Variants in SIK3 observed in about 807,000 individuals in gnomAD.
The protein encoded by SIK3 is SIK family kinase 3.
Under a neutral mutation model 144.2 loss-of-function variants are expected in SIK3, and 28 were observed. That is an observed-to-expected ratio of 0.19 (90% CI 0.14 to 0.27). SIK3 has a LOEUF of 0.27. Among genes scored for constraint, SIK3 ranks in the 10% least tolerant of loss-of-function variants. SIK3 has a pLI of 1.00. For synonymous variants in SIK3, 686 were observed against 676.3 expected (o/e 1.01, Z -0.22); for missense variants, 1,319 against 1,776.0 (o/e 0.74, Z 4.62).
At chr11:116,904,629 G>C (rs566944235) in intron 4 of SIK3, 4 of 152,090 alleles carry the variant, frequency 2.6e-5, no homozygotes, top group African/African-American at 9.6e-5. Context: ...CAGCATTATT[G>C]AGATAAGGAA....
chr11:117,067,202 C>T (rs1954062970), intron 1 of SIK3, among the ~76,000 whole-genome samples: 1 of 152,112 alleles, frequency 6.6e-6, no homozygotes, highest in Non-Finnish European at 1.5e-5. Context: ...GAAATGAAAA[C>T]ATACATCTAC....
chr11:116,973,094 A>G (rs758766091), intron 1 of SIK3, among the ~76,000 whole-genome samples: 3 of 152,194 alleles, frequency 2.0e-5, no homozygotes, highest in Non-Finnish European at 4.4e-5. Flanking sequence ...TTAAGCCTCC[A>G]GGTGACAATG....
intron 1 of SIK3, among the ~76,000 whole-genome samples, chr11:116,992,122 G>C (rs771996668): frequency 6.6e-6 from 1 of 151,992 alleles, no homozygotes; most frequent in Admixed American, 6.6e-5. Flanking sequence ...TCAGGAGTTC[G>C]AGACCAGCTT....
chr11:116,849,127 T>C lies in SIK3; in HGVS notation c.3812A>G (p.Asp1271Gly), dbSNP rs1942225106. 2 of 1,592,684 alleles carry C rather than the reference T, an allele frequency of 1.3e-6. No homozygotes were observed. Among genetic ancestry groups the C allele is most frequent in the East Asian group, 2.2e-5 (1 of 44,514 alleles). Residue 1271 changes from aspartate (D) to glycine (G), a missense_variant, in exon 22 of 25, where the codon GAT (aspartate) becomes GGT (glycine). Coordinates refer to ENST00000445177, the MANE Select transcript of SIK3 (RefSeq NM_001366686.3). This position sits in a 1 kb window ranked among gnomAD's most constrained non-coding sequence, Gnocchi z 4.2. ...QRHHTIQNSD[D>G]AYVQLDNLPG... ...CAGGTGGGACCAACATACATAAGCA[T>C]CGTCGCTGTTCTGGATCGTGTGGTG...
At chr11:117,082,749 A>C (rs1954841379) in intron 1 of SIK3, among the ~76,000 whole-genome samples, 1 of 152,194 alleles carries the variant, frequency 6.6e-6, no homozygotes, top group African/African-American at 2.4e-5. Flanking sequence ...AATTGGGTGA[A>C]CTGTATGGTC....
chr11:116,911,432 G>A (rs143483784), intron 4 of SIK3, among the ~76,000 whole-genome samples: 8,992 of 152,062 alleles, frequency 0.059, 878 homozygotes, highest in African/African-American at 0.21. Flanking sequence ...GCTTGAACCC[G>A]GGAGGCGGAG....
intron 1 of SIK3, among the ~76,000 whole-genome samples, chr11:117,044,260 C>A (rs1293346088): frequency 1.3e-5 from 2 of 152,040 alleles, no homozygotes; most frequent in Admixed American, 6.6e-5. Context: ...TTCTGGGGGA[C>A]AGGTGATAAA....
intron 7 of SIK3, among the ~76,000 whole-genome samples, 192 bp downstream of exon 7, chr11:116,876,732 C>A (rs1944278998): frequency 2.0e-5 from 3 of 152,254 alleles, no homozygotes; most frequent in Admixed American, 2.0e-4. Flanking sequence ...TGGTAGGGAA[C>A]CATGATCACT....
At chr11:117,021,916 CCT>C (rs1359147458) in intron 1 of SIK3, among the ~76,000 whole-genome samples, 2 of 98,588 alleles carry the variant, frequency 2.0e-5, no homozygotes, top group South Asian at 4.0e-4. Context: ...GCACAGTGAG[CCT>C]CTGTCTCTAC....
intron 23 of SIK3, 83 bp downstream of exon 23, chr11:116,847,393 A>G (rs1942058556): frequency 6.3e-7 from 1 of 1,580,732 alleles, no homozygotes; most frequent in Non-Finnish European, 8.7e-7. Context: ...AGCTCTTCCT[A>G]CGAAGAGAGG....
chr11:116,894,245 G>A (rs1945279264), intron 6 of SIK3, among the ~76,000 whole-genome samples: 1 of 152,048 alleles, frequency 6.6e-6, no homozygotes, highest in Non-Finnish European at 1.5e-5. Flanking sequence ...TTTAATTCAT[G>A]GACCTCTTCT....
chr11:116,908,066 A>C (rs1444337767), intron 4 of SIK3, among the ~76,000 whole-genome samples: 1 of 152,258 alleles, frequency 6.6e-6, no homozygotes, highest in Non-Finnish European at 1.5e-5. Flanking sequence ...AAAAAGTGCT[A>C]ATCATAAAGG....
intron 1 of SIK3, among the ~76,000 whole-genome samples, chr11:116,977,152 T>C (rs967228669): frequency 3.9e-5 from 6 of 152,016 alleles, no homozygotes; most frequent in Admixed American, 2.0e-4. Context: ...ATGCAAAGGC[T>C]TCATTAGAAT....
At chr11:117,094,473 T>A (rs1368548795) in intron 1 of SIK3, among the ~76,000 whole-genome samples, 5 of 151,922 alleles carry the variant, frequency 3.3e-5, no homozygotes, top group Admixed American at 3.3e-4. Flanking sequence ...CCTGGTGTGG[T>A]GGTATAAGCC....
intron 1 of SIK3, among the ~76,000 whole-genome samples, chr11:117,036,683 T>C (rs1952520242): frequency 6.6e-6 from 1 of 152,236 alleles, no homozygotes; most frequent in South Asian, 2.1e-4. Flanking sequence ...CCAGAACTGC[T>C]ACATGTCACC....
intron 1 of SIK3, among the ~76,000 whole-genome samples, chr11:116,958,705 G>T (rs1260173650): frequency 1.3e-5 from 2 of 152,186 alleles, no homozygotes; most frequent in African/African-American, 4.8e-5. Context: ...AGGCAGAGAA[G>T]AAGGTAGAGA....
At chr11:117,078,769 T>G (rs1443933526) in intron 1 of SIK3, among the ~76,000 whole-genome samples, 1 of 152,084 alleles carries the variant, frequency 6.6e-6, no homozygotes, top group Non-Finnish European at 1.5e-5. Context: ...ACCCGAAATC[T>G]GCAAAACACT....
intron 1 of SIK3, among the ~76,000 whole-genome samples, chr11:117,094,695 C>T (rs1955392418): frequency 6.6e-6 from 1 of 151,946 alleles, no homozygotes; most frequent in African/African-American, 2.4e-5. Flanking sequence ...TAATTAGGCA[C>T]AGGCAACAGA....
intron 3 of SIK3, among the ~76,000 whole-genome samples, chr11:116,940,952 TG>T (rs923018012): frequency 5.3e-5 from 8 of 152,154 alleles, no homozygotes; most frequent in Admixed American, 2.6e-4. Context: ...CATGGTTACT[TG>T]CTTGTTAGGA....
Sources: allele counts gnomAD v4.1 joint callset (sites outside exome capture counted in the v4.1 genomes callset), GRCh38; gene constraint gnomAD v4.1.1; non-coding constraint Gnocchi (gnomAD v3.1); transcripts MANE v1.5; gene names NCBI Gene and HGNC (gene_info 2026-07-23, HGNC 2026-07-21).